The following GAS2 variants were observed in gnomAD, a reference collection of about 807,000 sequenced individuals.
The protein encoded by GAS2 is growth arrest-specific protein 2.
A neutral mutation model predicts 37.5 loss-of-function variants in GAS2; 20 were observed. The ratio of observed to expected loss-of-function variants is 0.53; its 90% confidence interval spans 0.37 to 0.77. The LOEUF (loss-of-function observed/expected upper bound fraction) is 0.77. Ranked by LOEUF, GAS2 falls within the 30% of genes least tolerant of loss-of-function variation. The pLI is 0.00. For synonymous variants in GAS2, 144 were observed against 132.2 expected (o/e 1.09, Z -0.61); for missense variants, 336 against 373.4 (o/e 0.90, Z 0.82).
intron 7 of GAS2, among the ~76,000 whole-genome samples, chr11:22,777,730 TG>T (rs1209065227): frequency 1.3e-5 from 2 of 152,118 alleles, no homozygotes; most frequent in African/African-American, 4.8e-5. Context: ...AAAGGTAGGT[TG>T]GGGGCAATTG....
At chr11:22,798,222 G>GGCA (rs995373358) in intron 7 of GAS2, among the ~76,000 whole-genome samples, 1 of 151,870 alleles carries the variant, frequency 6.6e-6, no homozygotes, top group African/African-American at 2.4e-5. Context: ...CATTATCAGT[G>GGCA]GCAGCAGCAG....
chr11:22,767,475 A>AGG (rs1854753606), intron 7 of GAS2, among the ~76,000 whole-genome samples: 4 of 151,736 alleles, frequency 2.6e-5, no homozygotes, highest in African/African-American at 9.7e-5. Context: ...TGTTTGTAAG[A>AGG]TTTTTCTTTT....
chr11:22,787,977 GCTT>G (rs1305950903), intron 7 of GAS2, among the ~76,000 whole-genome samples: 1 of 152,140 alleles, frequency 6.6e-6, no homozygotes, highest in African/African-American at 2.4e-5. Context: ...TGGTTTATTG[GCTT>G]CTTGCTTGTC....
chr11:22,794,244 C>A (rs922584408), intron 7 of GAS2, among the ~76,000 whole-genome samples: 2 of 151,808 alleles, frequency 1.3e-5, no homozygotes, highest in Non-Finnish European at 2.9e-5. Context: ...AATACATATA[C>A]ATTGTTAATA....
intron 2 of GAS2, among the ~76,000 whole-genome samples, chr11:22,682,771 G>T (rs1054159824): frequency 1.1e-4 from 16 of 150,800 alleles, no homozygotes; most frequent in African/African-American, 3.7e-4. Flanking sequence ...CCAGCTACTT[G>T]GGAGGCAGAG....
At chr11:22,641,929 C>T (rs554093363) in intron 1 of GAS2, among the ~76,000 whole-genome samples, 1 of 151,904 alleles carries the variant, frequency 6.6e-6, no homozygotes, top group East Asian at 1.9e-4. Context: ...TATGACAGAA[C>T]AATGTGAAGT....
chr11:22,790,117 A>G (rs1356592062), intron 7 of GAS2, among the ~76,000 whole-genome samples: 1 of 151,978 alleles, frequency 6.6e-6, no homozygotes, highest in Non-Finnish European at 1.5e-5. Flanking sequence ...CATGATCTCC[A>G]TCTGTGAATC....
intron 2 of GAS2, among the ~76,000 whole-genome samples, chr11:22,677,063 A>T (rs368980053): frequency 5.9e-5 from 9 of 152,304 alleles, no homozygotes; most frequent in East Asian, 3.9e-4. Flanking sequence ...TAAACATAGT[A>T]CCTATTCTTG....
intron 7 of GAS2, among the ~76,000 whole-genome samples, chr11:22,800,216 A>G (rs1286376068): frequency 6.6e-6 from 1 of 152,096 alleles, no homozygotes; most frequent in East Asian, 1.9e-4. Context: ...ACTTGTTCTT[A>G]TGGAGGGATG....
At chr11:22,737,891 AT>A in intron 5 of GAS2, 123 bp downstream of exon 5, 1 of 838,238 alleles carries the variant, frequency 1.2e-6, no homozygotes, top group Non-Finnish European at 2.0e-6. Flanking sequence ...CTCATTCACG[AT>A]GATAATATGA....
chr11:22,805,590 C>A (rs1467234108), intron 7 of GAS2, among the ~76,000 whole-genome samples: 1 of 152,054 alleles, frequency 6.6e-6, no homozygotes, highest in Non-Finnish European at 1.5e-5. Flanking sequence ...TCTATGAGAT[C>A]AACATCTTTA....
chr11:22,627,634 G>A (rs1292883026), intron 1 of GAS2, among the ~76,000 whole-genome samples: 1 of 152,118 alleles, frequency 6.6e-6, no homozygotes, highest in Non-Finnish European at 1.5e-5. Context: ...AATTAGCTGG[G>A]CATGGCGGTG....
intron 7 of GAS2, among the ~76,000 whole-genome samples, chr11:22,773,668 T>A (rs1464482630): frequency 6.6e-6 from 1 of 152,138 alleles, no homozygotes; most frequent in African/African-American, 2.4e-5. Context: ...AGGGCTGGAA[T>A]TGGCACTCTC....
intron 1 of GAS2, among the ~76,000 whole-genome samples, chr11:22,667,940 C>T (rs1435935787): frequency 6.6e-6 from 1 of 152,178 alleles, no homozygotes; most frequent in Non-Finnish European, 1.5e-5. Flanking sequence ...CCAACCCTCT[C>T]CAACAAGGTT....
chr11:22,647,559 T>G (rs950644471), intron 1 of GAS2, among the ~76,000 whole-genome samples: 1 of 152,220 alleles, frequency 6.6e-6, no homozygotes. Context: ...AGTGTTCCTA[T>G]TTCTCCGCAT....
chr11:22,646,884 T>C (rs1056573625), intron 1 of GAS2, among the ~76,000 whole-genome samples: 2 of 151,708 alleles, frequency 1.3e-5, no homozygotes, highest in African/African-American at 4.8e-5. Context: ...TTTCTCTTTC[T>C]TTCTTTTTCT....
intron 2 of GAS2, among the ~76,000 whole-genome samples, chr11:22,680,568 G>A (rs1342621900): frequency 6.6e-6 from 1 of 151,898 alleles, no homozygotes; most frequent in African/African-American, 2.4e-5. Flanking sequence ...TCATCTTTAG[G>A]GATTAAAAAT....
At chr11:22,720,652 T>A (rs1851903730) in intron 3 of GAS2, among the ~76,000 whole-genome samples, 1 of 152,058 alleles carries the variant, frequency 6.6e-6, no homozygotes, top group African/African-American at 2.4e-5. Context: ...CCGTACACTC[T>A]ATATACCCTT....
rs561659703 is a variant in GAS2, at chr11:22,812,422, T to G, written c.*406T>G. On this transcript the variant is annotated 3_prime_UTR_variant, in exon 8 of 8. Coordinates refer to ENST00000454584, the MANE Select transcript of GAS2 (RefSeq NM_001143830.3). ...CAGACATTTTTATAATTGCAAGATT[T>G]TTATGCTTTTTTTTTTTTTTTTTTA... The G allele has an allele frequency of 6.2e-4, 76 of 123,134 alleles. 2 individuals carry two copies. In the East Asian group the frequency reaches 0.016, roughly 27 times the overall value. 7.6% of individuals were successfully genotyped at this position (123,134 alleles called of 1,614,324 possible).
Sources: gnomAD v4.1 joint callset for allele counts (sites outside exome capture counted in the v4.1 genomes callset) on GRCh38, gnomAD v4.1.1 for gene constraint, MANE v1.5 for transcripts, NCBI Gene and HGNC (gene_info 2026-07-23, HGNC 2026-07-21) for gene names.